The following CD53 variants were observed in gnomAD, a reference collection of about 807,000 sequenced individuals.
The protein encoded by CD53 is leukocyte surface antigen CD53.
CD53 carries 20 observed loss-of-function variants against 27.3 expected under a neutral mutation model. The ratio of observed to expected loss-of-function variants is 0.73; its 90% CI spans 0.52 to 1.07. The LOEUF is 1.07. CD53 is among the 50% of genes least tolerant of loss of function. The probability of loss-of-function intolerance (pLI) is 0.00; values close to 1 mark genes in which losing one functional copy is unlikely to be tolerated. For missense variants in CD53, 216 were observed against 264.0 expected (o/e 0.82, Z 1.26); for synonymous variants, 106 against 105.3 (o/e 1.01, Z -0.04).
chr1:110,886,869 A>ATATATATATATATT (rs1298376721), intron 1 of CD53, among the ~76,000 whole-genome samples: 41 of 82,782 alleles, frequency 5.0e-4, no homozygotes, highest in South Asian at 2.1e-3. Flanking sequence ...ATATATATAT[A>ATATATATATATATT]TTTTTTTTTT....
intron 1 of CD53, among the ~76,000 whole-genome samples, chr1:110,885,481 T>C (rs1656543141): frequency 6.6e-6 from 1 of 151,868 alleles, no homozygotes; most frequent in South Asian, 2.1e-4. Flanking sequence ...GAGCTTGCAG[T>C]GAGCCGAGAT....
At position 110,899,751 on chromosome 1, in the gene CD53, A is replaced by G. The variant is rs1657229970; in HGVS notation, c.*556A>G. ...ATTTCTTTATTAGAGGGCCTTATTG[A>G]TGTGTTCTAAGTCTTTCCAGAAAAA... is the stretch of plus-strand genomic sequence containing the variant. On this transcript the variant is annotated 3_prime_UTR_variant, in exon 8 of 8. Transcript: ENST00000271324. 6.5e-6 allele frequency: 1 copy of G among 154,738 alleles called. No individual in the cohort carries two copies. Among genetic ancestry groups the G allele is most frequent in the African/African-American group, 2.4e-5 (1 of 41,436 alleles). The allele number at this position is 154,738 out of a possible 1,614,324, so 9.6% of individuals were successfully genotyped here.
rs1298376721 is a variant in CD53, at chr1:110,886,869, A to ATATATATATAT, written c.-17-4522_-17-4521insATATATATATT. ...CCAATATATATATATATATATATAT[A>ATATATATATAT]TTTTTTTTTTCTGTCTGTGTTTCTT... On this transcript the variant is annotated intron_variant, in intron 1 of 7. Coordinates refer to ENST00000271324, the MANE Select transcript of CD53 (RefSeq NM_000560.4). 6.1e-3 allele frequency among the ~76,000 whole-genome samples: 507 copies of ATATATATATAT among 82,736 alleles called. 1 individual carries two copies. Among genetic ancestry groups the ATATATATATAT allele is most frequent in the East Asian group, 0.02 (61 of 2,992 alleles). The allele number at this position is 82,736 out of a possible 152,430, so 54.3% of individuals were successfully genotyped here.
chr1:110,897,797 A>G lies in CD53; in HGVS notation c.505-12A>G, dbSNP rs781096921. ...ATAGAGTAGTATCATTTGTAACTGA[A>G]ATGTCTTCTAGGGTTGCTATGCGAA... is the stretch of plus-strand genomic sequence containing the variant. On this transcript the variant is annotated splice_polypyrimidine_tract_variant and intron_variant, in intron 6 of 7. Transcript: ENST00000271324. 2 of 1,550,884 alleles carry G rather than the reference A, an allele frequency of 1.3e-6. No individual in the cohort carries two copies. Among genetic ancestry groups the G allele is most frequent in the Non-Finnish European group, 1.8e-6 (2 of 1,124,412 alleles).
chr1:110,890,841 A>G (rs1415669700), intron 1 of CD53, among the ~76,000 whole-genome samples: 2 of 152,238 alleles, frequency 1.3e-5, no homozygotes, highest in African/African-American at 2.4e-5. Context: ...ATCTTCCACA[A>G]CATCTAGAAC....
chr1:110,891,558 G>A (rs943288040), intron 2 of CD53, 87 bp downstream of exon 2: 4 of 914,470 alleles, frequency 4.4e-6, no homozygotes, highest in South Asian at 4.1e-5. Context: ...CTGGTGTGGG[G>A]TAAAATGCAT....
intron 7 of CD53, among the ~76,000 whole-genome samples, chr1:110,898,556 C>CA (rs1467465821): frequency 1.3e-5 from 2 of 151,962 alleles, no homozygotes; most frequent in Non-Finnish European, 2.9e-5. Flanking sequence ...CCTGATCTTG[C>CA]ATGTTAAGGG....
At chr1:110,891,192 G>A (rs1325094016) in intron 1 of CD53, among the ~76,000 whole-genome samples, 200 bp from the exon 2 acceptor site, 1 of 152,210 alleles carries the variant, frequency 6.6e-6, no homozygotes, top group Non-Finnish European at 1.5e-5. Context: ...TGCCGAATTG[G>A]GCAAAAACTG....
intron 5 of CD53, among the ~76,000 whole-genome samples, chr1:110,895,597 C>G (rs772008159): frequency 6.6e-6 from 1 of 152,112 alleles, no homozygotes. Flanking sequence ...TATGAAAGCA[C>G]GCTGGCTTAG....
At chr1:110,889,416 G>A (rs891925756) in intron 1 of CD53, among the ~76,000 whole-genome samples, 12 of 151,946 alleles carry the variant, frequency 7.9e-5, no homozygotes, top group African/African-American at 2.7e-4. Flanking sequence ...AAAATTAGCC[G>A]GGCGTGGTGA....
At chr1:110,895,691 A>G (rs1657032782) in intron 5 of CD53, among the ~76,000 whole-genome samples, 1 of 152,146 alleles carries the variant, frequency 6.6e-6, no homozygotes, top group Non-Finnish European at 1.5e-5. Context: ...ACTTATTTAG[A>G]TCTCCAATTC....
chr1:110,895,979 C>T (rs1657044909), intron 5 of CD53, among the ~76,000 whole-genome samples: 3 of 152,200 alleles, frequency 2.0e-5, no homozygotes, highest in African/African-American at 4.8e-5. Context: ...TTAAATTTCC[C>T]TAATTTTCTC....
chr1:110,873,587 T>C (rs1370269260), intron 1 of CD53, among the ~76,000 whole-genome samples: 4 of 152,308 alleles, frequency 2.6e-5, no homozygotes, highest in Middle Eastern at 6.8e-3. Flanking sequence ...ATTTCCTATG[T>C]GCTCTGGTCT....
intron 4 of CD53, 116 bp downstream of exon 4, chr1:110,894,517 AAGGATAG>A: frequency 1.2e-6 from 1 of 800,676 alleles, no homozygotes; most frequent in Non-Finnish European, 2.1e-6. Context: ...AATGAAGTGG[AAGGATAG>A]AGGAAACAGA....
intron 1 of CD53, among the ~76,000 whole-genome samples, chr1:110,887,353 C>T (rs940950021): frequency 3.3e-5 from 5 of 152,148 alleles, no homozygotes; most frequent in African/African-American, 2.4e-5. Flanking sequence ...CGTGAGCCAC[C>T]GCGCCCAGCC....
rs528416905 is a variant in CD53 at position 110,883,707 on chromosome 1, C to G, written c.-17-7685C>G. 9.2e-5 allele frequency among the ~76,000 whole-genome samples: 14 copies of G among 151,972 alleles called. No individual in the cohort carries two copies. In the South Asian group the frequency reaches 2.7e-3, roughly 29 times the overall value. The stretch of plus-strand genomic sequence containing the variant: ...TCTTTATGGGAAGACTTTTAAACTC[C>G]AAATTCAGTTTCTTATTAGAGATAG... On this transcript the variant is annotated intron_variant, in intron 1 of 7. Coordinates refer to ENST00000271324, the MANE Select transcript of CD53 (RefSeq NM_000560.4).
chr1:110,890,905 C>A (rs1209821330), intron 1 of CD53, among the ~76,000 whole-genome samples: 1 of 152,192 alleles, frequency 6.6e-6, no homozygotes, highest in Non-Finnish European at 1.5e-5. Flanking sequence ...GGATATGTTC[C>A]CCCTACTTTC....
At chr1:110,887,058 G>GTTTAT (rs71096370) in intron 1 of CD53, among the ~76,000 whole-genome samples, 60,368 of 146,370 alleles carry the variant, frequency 0.41, 14,257 homozygotes, top group Admixed American at 0.54. Flanking sequence ...CTCTATTTAT[G>GTTTAT]TTTATTTTAT....
chr1:110,889,352 C>T (rs962416833), intron 1 of CD53, among the ~76,000 whole-genome samples: 11 of 151,516 alleles, frequency 7.3e-5, no homozygotes, highest in Non-Finnish European at 1.2e-4. Context: ...GTCAGGAGTT[C>T]GAGATCAGCC....
Sources: gnomAD v4.1 joint callset for allele counts (sites outside exome capture counted in the v4.1 genomes callset) on GRCh38, gnomAD v4.1.1 for gene constraint, MANE v1.5 for transcripts, NCBI Gene and HGNC (gene_info 2026-07-23, HGNC 2026-07-21) for gene names.